Variants in GRXCR1 observed in about 807,000 individuals in gnomAD.
GRXCR1 encodes glutaredoxin domain-containing cysteine-rich protein 1.
GRXCR1 carries 27 observed loss-of-function variants against 27.3 expected under a neutral mutation model. The observed-to-expected ratio is 0.99, with a 90% CI of 0.73 to 1.37. The LOEUF (loss-of-function observed/expected upper bound fraction) is 1.37. Ranked by LOEUF, GRXCR1 falls within the 40% of genes most tolerant of loss-of-function variation. GRXCR1 has a pLI of 0.00. For synonymous variants in GRXCR1, 122 were observed against 131.1 expected (o/e 0.93, Z 0.47); for missense variants, 379 against 354.4 (o/e 1.07, Z -0.56).
chr4:42,936,982 T>G (rs34939108), intron 1 of GRXCR1, among the ~76,000 whole-genome samples: 21,528 of 151,890 alleles, frequency 0.14, 1,630 homozygotes, highest in Non-Finnish European at 0.16. Context: ...CTTTCCACAC[T>G]GTACTCTTTG....
chr4:42,944,812 C>T lies in GRXCR1; in HGVS notation c.385-18080C>T, dbSNP rs144203350. ...CAAAGCATGTGAAAAATGCTACCTC[C>T]TTTATTTCAAAAAAGGCTGTTTTGG... On this transcript the variant is annotated intron_variant, in intron 1 of 3. Transcript: ENST00000399770. Among the ~76,000 whole-genome samples the T allele has an allele frequency of 5.9e-3, 903 of 152,184 alleles. 33 individuals are homozygous for T. Among genetic ancestry groups the T allele is most frequent in the Admixed American group, 0.053 (809 of 15,278 alleles).
chr4:42,908,185 C>A (rs1480702714), intron 1 of GRXCR1, among the ~76,000 whole-genome samples: 2 of 152,198 alleles, frequency 1.3e-5, no homozygotes, highest in African/African-American at 4.8e-5. Flanking sequence ...GCTCTCTGAA[C>A]CTGCTTGAGC....
At chr4:42,930,934 G>C (rs1560653471) in intron 1 of GRXCR1, among the ~76,000 whole-genome samples, 1 of 151,916 alleles carries the variant, frequency 6.6e-6, no homozygotes, top group Non-Finnish European at 1.5e-5. Flanking sequence ...ACTTACATCA[G>C]GTGCAAACTC....
chr4:42,965,473 A>G (rs559963395), intron 2 of GRXCR1, among the ~76,000 whole-genome samples: 7 of 152,092 alleles, frequency 4.6e-5, no homozygotes, highest in Non-Finnish European at 7.4e-5. Flanking sequence ...TTGTAAATGG[A>G]ATACATTGCT....
chr4:42,999,319 G>A (rs1373874909), intron 2 of GRXCR1, among the ~76,000 whole-genome samples: 1 of 152,190 alleles, frequency 6.6e-6, no homozygotes, highest in Non-Finnish European at 1.5e-5. Flanking sequence ...TGGGTGTGAG[G>A]AGAGACAAAG....
At chr4:42,966,499 C>T (rs543457933) in intron 2 of GRXCR1, among the ~76,000 whole-genome samples, 10 of 152,186 alleles carry the variant, frequency 6.6e-5, no homozygotes, top group Admixed American at 3.9e-4. Flanking sequence ...TAGTATTGAG[C>T]GTAATTCCTT....
intron 1 of GRXCR1, among the ~76,000 whole-genome samples, chr4:42,914,054 G>A (rs1377809639): frequency 6.6e-6 from 1 of 152,182 alleles, no homozygotes; most frequent in Admixed American, 6.5e-5. Context: ...TTTGCTACAG[G>A]TGCAGAGCCC....
chr4:42,989,433 T>C (rs1345798927), intron 2 of GRXCR1, among the ~76,000 whole-genome samples: 1 of 152,222 alleles, frequency 6.6e-6, no homozygotes, highest in Non-Finnish European at 1.5e-5. Flanking sequence ...TATAGTTACA[T>C]TGAGTGTTAG....
At chr4:43,025,318 G>A (rs906655829) in intron 3 of GRXCR1, among the ~76,000 whole-genome samples, 3 of 152,176 alleles carry the variant, frequency 2.0e-5, no homozygotes, top group African/African-American at 7.2e-5. Context: ...TACTAGGAAA[G>A]CAGAGAAGTG....
intron 1 of GRXCR1, among the ~76,000 whole-genome samples, chr4:42,954,508 CTTAACT>C (rs1236087871): frequency 1.3e-5 from 2 of 152,088 alleles, no homozygotes; most frequent in African/African-American, 4.8e-5. Context: ...ATTTGGGCAC[CTTAACT>C]TTATTTCCAC....
chr4:42,953,738 G>T (rs1258645738), intron 1 of GRXCR1, among the ~76,000 whole-genome samples: 1 of 152,066 alleles, frequency 6.6e-6, no homozygotes, highest in Non-Finnish European at 1.5e-5. Context: ...TGAAGACTGT[G>T]GATTTGGATT....
chr4:42,931,088 C>T (rs1429814050), intron 1 of GRXCR1, among the ~76,000 whole-genome samples: 1 of 151,622 alleles, frequency 6.6e-6, no homozygotes. Context: ...ACAAATGGCA[C>T]TGGAAAAGGG....
chr4:42,967,369 A>G (rs1244518573), intron 2 of GRXCR1, among the ~76,000 whole-genome samples: 1 of 151,954 alleles, frequency 6.6e-6, no homozygotes, highest in Non-Finnish European at 1.5e-5. Flanking sequence ...ATATGGATCT[A>G]TTTCTGGGTT....
chr4:43,027,042 T>C (rs1391774195), intron 3 of GRXCR1, among the ~76,000 whole-genome samples: 1 of 152,216 alleles, frequency 6.6e-6, no homozygotes, highest in East Asian at 1.9e-4. Context: ...AGTGTTTAAA[T>C]TGAATGACTC....
chr4:43,013,703 A>G (rs1206916779), intron 2 of GRXCR1, among the ~76,000 whole-genome samples: 3 of 152,248 alleles, frequency 2.0e-5, no homozygotes. Flanking sequence ...CTGGGGAAGC[A>G]GACAACAATC....
chr4:43,001,571 T>C (rs1020082166), intron 2 of GRXCR1, among the ~76,000 whole-genome samples: 2 of 151,892 alleles, frequency 1.3e-5, no homozygotes, highest in African/African-American at 2.4e-5. Flanking sequence ...CCTCGGTGTA[T>C]GTGTCTCATT....
intron 1 of GRXCR1, among the ~76,000 whole-genome samples, chr4:42,928,058 T>C (rs1180484134): frequency 2.6e-5 from 4 of 151,996 alleles, no homozygotes; most frequent in Admixed American, 1.3e-4. Context: ...CCAGTACTTA[T>C]CTGGCTAAGG....
rs752380138 is a variant in GRXCR1 at position 43,020,432 on chromosome 4, T to G, written c.693+13T>G. The G allele has an allele frequency of 1.3e-6, 2 of 1,552,682 alleles. No individual in the cohort carries two copies. Among genetic ancestry groups the G allele is most frequent in the South Asian group, 2.2e-5 (2 of 89,792 alleles). ...AACCAAAATTGAGGTAAATGTGCTT[T>G]CAGCAACTTAGTTTTAGTAATCAAA... On this transcript the variant is annotated intron_variant, in intron 3 of 3. Transcript: ENST00000399770.
intron 1 of GRXCR1, among the ~76,000 whole-genome samples, chr4:42,938,172 T>C (rs1355815864): frequency 6.6e-6 from 1 of 152,048 alleles, no homozygotes; most frequent in Non-Finnish European, 1.5e-5. Flanking sequence ...AGTTACAATA[T>C]GTGAAGCTTG....
Sources: gnomAD v4.1 joint callset for allele counts (sites outside exome capture counted in the v4.1 genomes callset) on GRCh38, gnomAD v4.1.1 for gene constraint, MANE v1.5 for transcripts, NCBI Gene and HGNC (gene_info 2026-07-23, HGNC 2026-07-21) for gene names.